ZNF565: variants seen among roughly 807,000 people sequenced by gnomAD.
The protein encoded by ZNF565 is zinc finger protein 565.
A neutral mutation model predicts 39.4 loss-of-function variants in ZNF565; 27 were observed. The observed-to-expected ratio is 0.69, with a 90% CI of 0.51 to 0.95. The LOEUF is 0.95. ZNF565 is among the 40% of genes least tolerant of loss of function. The probability of loss-of-function intolerance (pLI) is 0.00; values close to 1 mark genes in which losing one functional copy is unlikely to be tolerated. For synonymous variants in ZNF565, 185 were observed against 216.6 expected (o/e 0.85, Z 1.28); for missense variants, 524 against 621.1 (o/e 0.84, Z 1.66).
At position 36,182,860 on chromosome 19, in the gene ZNF565, C is replaced by A; in HGVS notation, c.1106G>T (p.Gly369Val). 1 of 1,614,140 alleles carries A rather than the reference C, an allele frequency of 6.2e-7. No individual in the cohort carries two copies. The highest frequency in any genetic ancestry group is 8.5e-7 in the Non-Finnish European group (1 of 1,180,006). ...GEKPYECKEC[G>V]KAFRQHAQLT... Reference sequence around the variant, plus strand: ...CTGTGCGTGCTGTCTGAAGGCCTTCCCACATTCCTTACACTCATAGGGTTT... The same window carrying A: ...CTGTGCGTGCTGTCTGAAGGCCTTCACACATTCCTTACACTCATAGGGTTT... Residue 369 changes from glycine (G) to valine (V), a missense_variant, in exon 5 of 5, where the codon GGG (glycine) becomes GTG (valine). Gly to Val is a moderately radical substitution (Grantham distance 109, BLOSUM62 -3). Transcript: ENST00000304116.
intron 1 of ZNF565, among the ~76,000 whole-genome samples, chr19:36,212,379 A>G (rs1457888765): frequency 1.3e-5 from 2 of 152,190 alleles, no homozygotes; most frequent in African/African-American, 2.4e-5. Context: ...TGGGATGCTG[A>G]GGGAGGAGGA....
At chr19:36,222,617 C>A (rs1244972490) in intron 1 of ZNF565, among the ~76,000 whole-genome samples, 1 of 151,590 alleles carries the variant, frequency 6.6e-6, no homozygotes, top group Non-Finnish European at 1.5e-5. Flanking sequence ...TACATCCCTT[C>A]TTATGAATGA....
At chr19:36,239,875 G>A (rs1489201788) in intron 1 of ZNF565, among the ~76,000 whole-genome samples, 1 of 152,028 alleles carries the variant, frequency 6.6e-6, no homozygotes, top group Non-Finnish European at 1.5e-5. Flanking sequence ...TATTATTAAA[G>A]GTTTTCTTGA....
chr19:36,203,807 C>A (rs151044926), intron 1 of ZNF565, among the ~76,000 whole-genome samples: 1 of 151,120 alleles, frequency 6.6e-6, no homozygotes, highest in Non-Finnish European at 1.5e-5. Context: ...GAGCTCCTCA[C>A]CTCAGGTGAT....
intron 1 of ZNF565, among the ~76,000 whole-genome samples, chr19:36,227,424 G>A (rs1977121897): frequency 6.6e-6 from 1 of 150,438 alleles, no homozygotes; most frequent in Admixed American, 6.6e-5. Flanking sequence ...TTTTCTTTTG[G>A]AGTGCAGTGG....
In ZNF565 at chr19:36,182,349, G is replaced by T; in HGVS notation, c.*117C>A. Reference sequence around the variant, plus strand: ...GGGTGTGAGTTTTCTGATGTTCTATGATGGAAGTGACAGGTGTTTTCTGAC... The same window carrying T: ...GGGTGTGAGTTTTCTGATGTTCTATTATGGAAGTGACAGGTGTTTTCTGAC... On this transcript the variant is annotated 3_prime_UTR_variant, in exon 5 of 5. Transcript: ENST00000304116. 1 of 813,656 alleles carries T rather than the reference G, an allele frequency of 1.2e-6. No homozygotes were observed. The highest frequency in any genetic ancestry group is 1.8e-6 in the Non-Finnish European group (1 of 565,494). The allele number at this position is 813,656 out of a possible 1,614,324, so 50.4% of individuals were successfully genotyped here. A position where few individuals can be genotyped will look rare whatever the true frequency, so the allele number is the denominator to read the frequency against.
chr19:36,198,215 C>A (rs1344846739), intron 2 of ZNF565, among the ~76,000 whole-genome samples: 1 of 151,930 alleles, frequency 6.6e-6, no homozygotes, highest in African/African-American at 2.4e-5. Context: ...TCCACAATAG[C>A]CAAGATTTGG....
Position 36,244,927 on chromosome 19 carries a change from T to C in ZNF565, c.55+549A>G, listed in dbSNP as rs143771553. On this transcript the variant is annotated intron_variant, in intron 1 of 4. Transcript: ENST00000355114. Reference sequence around the variant, plus strand: ...TGTCTTTTTCATCCACTGTGGTTGGTACTCGATAGGCTTGTATCTTGTTGA... The same window carrying C: ...TGTCTTTTTCATCCACTGTGGTTGGCACTCGATAGGCTTGTATCTTGTTGA... Among the ~76,000 whole-genome samples, 135 of 152,136 alleles carry C rather than the reference T, an allele frequency of 8.9e-4. No individual in the cohort carries two copies. The East Asian group carries it at 0.018, about 20-fold the overall frequency.
chr19:36,207,485 AGCCAAGATTGT>A, intron 1 of ZNF565, among the ~76,000 whole-genome samples: 1 of 152,150 alleles, frequency 6.6e-6, no homozygotes, highest in South Asian at 2.1e-4. Context: ...GGTTGCGGTG[AGCCAAGATTGT>A]GCCACTGACA....
At chr19:36,187,677 G>A (rs889430739) in intron 4 of ZNF565, among the ~76,000 whole-genome samples, 4 of 144,430 alleles carry the variant, frequency 2.8e-5, no homozygotes, top group Non-Finnish European at 6.0e-5. Context: ...TTGCTCTGTC[G>A]CCTAGGCTGG....
Position 36,245,615 on chromosome 19 carries a change from G to T in ZNF565, c.-85C>A, listed in dbSNP as rs995771632. 2 of 700,330 alleles carry T rather than the reference G, an allele frequency of 2.9e-6. No individual in the cohort carries two copies. The highest frequency in any genetic ancestry group is 3.0e-5 in the South Asian group (2 of 67,482). The allele number at this position is 700,330 out of a possible 1,614,324, so 43.4% of individuals were successfully genotyped here. On this transcript the variant is annotated 5_prime_UTR_variant, in exon 1 of 5. Transcript: ENST00000355114. This position sits in a 1 kb window ranked among gnomAD's most constrained non-coding sequence, Gnocchi z 4.4. Reference sequence around the variant, plus strand: ...GCTTGAGATGCAGCCTCCCAGCTTCGAGGCTACCACCTGCCCGAATTGGTG... The same window carrying T: ...GCTTGAGATGCAGCCTCCCAGCTTCTAGGCTACCACCTGCCCGAATTGGTG...
At chr19:36,223,168 G>A (rs1286939355) in intron 1 of ZNF565, among the ~76,000 whole-genome samples, 1 of 151,714 alleles carries the variant, frequency 6.6e-6, no homozygotes, top group Non-Finnish European at 1.5e-5. Context: ...TGTAATCCCA[G>A]CACTTTGGGA....
At chr19:36,193,845 G>A (rs1975662361) in intron 4 of ZNF565, among the ~76,000 whole-genome samples, 1 of 152,088 alleles carries the variant, frequency 6.6e-6, no homozygotes, top group South Asian at 2.1e-4. Flanking sequence ...CAAAGTGGGA[G>A]GATCGCTTAA....
At position 36,245,752 on chromosome 19, in the gene ZNF565, G is replaced by A. The variant is rs2029894810; in HGVS notation, c.-222C>T. 3.8e-6 allele frequency: 2 copies of A among 529,342 alleles called. No homozygotes were observed. Among genetic ancestry groups the A allele is most frequent in the African/African-American group, 2.0e-5 (1 of 51,220 alleles). The allele number at this position is 529,342 out of a possible 1,614,324, so 32.8% of individuals were successfully genotyped here. ...CCTGGCTCCGTCCACGGTTGTCGGG[G>A]TCCCGGGCTGCTTTTCTTGGAGGGC... is the stretch of plus-strand genomic sequence containing the variant. On this transcript the variant is annotated 5_prime_UTR_variant, in exon 1 of 5. Transcript: ENST00000355114. The surrounding 1 kb of genome is among the most constrained non-coding windows in gnomAD (Gnocchi z 4.4).
rs28380542 is a variant in ZNF565 at position 36,244,017 on chromosome 19, T to G, written c.55+1459A>C. Among the ~76,000 whole-genome samples, 861 of 152,208 alleles carry G rather than the reference T, an allele frequency of 5.7e-3. 7 individuals carry two copies. Among genetic ancestry groups the G allele is most frequent in the African/African-American group, 0.019 (808 of 41,526 alleles). ...ACACCCAGCCTTCCCTTTTTTCTGT[T>G]TTTCTTCTTTTCTCTACTGGCCTTG... On this transcript the variant is annotated intron_variant, in intron 1 of 4. Coordinates refer to the ZNF565 transcript ENST00000355114.
chr19:36,193,366 C>A (rs1234525072), intron 4 of ZNF565, among the ~76,000 whole-genome samples: 2 of 152,006 alleles, frequency 1.3e-5, no homozygotes, highest in African/African-American at 4.8e-5. Context: ...GATCCACCCA[C>A]CTCAGCCTGC....
At chr19:36,206,471 A>T (rs1165474645) in intron 1 of ZNF565, among the ~76,000 whole-genome samples, 1 of 151,208 alleles carries the variant, frequency 6.6e-6, no homozygotes, top group Non-Finnish European at 1.5e-5. Flanking sequence ...AAAAAAAAAG[A>T]AAAAAGATGA....
chr19:36,189,604 G>A (rs1040933540), intron 4 of ZNF565, among the ~76,000 whole-genome samples: 2 of 151,842 alleles, frequency 1.3e-5, no homozygotes, highest in Non-Finnish European at 2.9e-5. Flanking sequence ...TTACAGGCAT[G>A]AGCCACTGTA....
At chr19:36,218,873 A>C (rs1301019362), upstream of ZNF565, among the ~76,000 whole-genome samples, 1 of 150,762 alleles carries the variant, frequency 6.6e-6, no homozygotes, top group African/African-American at 2.4e-5. Flanking sequence ...CAGTGGTGCT[A>C]TCTTGGCTCA....
Sources: gnomAD v4.1 joint callset for allele counts (sites outside exome capture counted in the v4.1 genomes callset) on GRCh38, gnomAD v4.1.1 for gene constraint, Gnocchi (gnomAD v3.1) non-coding constraint, MANE v1.5 for transcripts, NCBI Gene and HGNC (gene_info 2026-07-23, HGNC 2026-07-21) for gene names.